NELL1: variants seen among roughly 807,000 people sequenced by gnomAD.
NELL1 encodes neural EGFL like 1.
Under a neutral mutation model 107.4 loss-of-function variants are expected in NELL1, and 76 were observed. The ratio of observed to expected loss-of-function variants is 0.71; its 90% CI spans 0.59 to 0.86. The LOEUF is 0.86. Among genes scored for constraint, NELL1 ranks in the 40% least tolerant of loss-of-function variants. NELL1 has a pLI of 0.00. For synonymous variants in NELL1, 353 were observed against 341.2 expected (o/e 1.03, Z -0.38); for missense variants, 1,024 against 1,005.5 (o/e 1.02, Z -0.25).
At chr11:21,025,439 C>G (rs1441143163) in intron 12 of NELL1, among the ~76,000 whole-genome samples, 2 of 151,252 alleles carry the variant, frequency 1.3e-5, no homozygotes, top group African/African-American at 4.9e-5. Flanking sequence ...ATTCTAGAGC[C>G]CATTTTCTTA....
chr11:21,146,554 C>T (rs1855983075), intron 13 of NELL1, among the ~76,000 whole-genome samples: 1 of 152,208 alleles, frequency 6.6e-6, no homozygotes, highest in Admixed American at 6.5e-5. Context: ...ATTACTCCTA[C>T]TTCTCTCTCC....
At chr11:21,030,456 A>T (rs1488489115) in intron 12 of NELL1, among the ~76,000 whole-genome samples, 2 of 152,162 alleles carry the variant, frequency 1.3e-5, no homozygotes, top group African/African-American at 4.8e-5. Context: ...AAACTTGGGT[A>T]ACTGGAGTCT....
At chr11:20,759,812 C>T (rs1432435473) in intron 2 of NELL1, among the ~76,000 whole-genome samples, 1 of 152,148 alleles carries the variant, frequency 6.6e-6, no homozygotes, top group East Asian at 1.9e-4. Flanking sequence ...GACCAGAATC[C>T]AGCCCTCTGG....
chr11:21,149,106 ATAT>A (rs1351973030), intron 13 of NELL1, among the ~76,000 whole-genome samples: 1 of 152,172 alleles, frequency 6.6e-6, no homozygotes, highest in Non-Finnish European at 1.5e-5. Context: ...AAATATAACC[ATAT>A]TATTGTTAAA....
At chr11:21,559,106 G>GA (rs1272081473) in intron 16 of NELL1, among the ~76,000 whole-genome samples, 1 of 151,988 alleles carries the variant, frequency 6.6e-6, no homozygotes, top group Non-Finnish European at 1.5e-5. Context: ...TTAGATCTTG[G>GA]AAAAAAGTAA....
At chr11:20,723,699 G>T (rs1409160106) in intron 2 of NELL1, among the ~76,000 whole-genome samples, 18 of 151,846 alleles carry the variant, frequency 1.2e-4, no homozygotes, top group Admixed American at 6.6e-4. Context: ...CTCTTCCATA[G>T]CTCCATTAGG....
intron 12 of NELL1, among the ~76,000 whole-genome samples, chr11:21,042,923 T>C (rs1853270676): frequency 6.6e-6 from 1 of 152,158 alleles, no homozygotes; most frequent in Non-Finnish European, 1.5e-5. Context: ...TTTTTATTTT[T>C]AGTGAATCAA....
intron 4 of NELL1, among the ~76,000 whole-genome samples, chr11:20,862,153 G>A (rs557378189): frequency 5.9e-5 from 9 of 152,282 alleles, no homozygotes; most frequent in African/African-American, 1.9e-4. Flanking sequence ...TGTCTGGTAA[G>A]TAAGTGTTTA....
At chr11:21,080,227 C>A (rs571914603) in intron 12 of NELL1, among the ~76,000 whole-genome samples, 22 of 151,860 alleles carry the variant, frequency 1.4e-4, no homozygotes, top group African/African-American at 5.1e-4. Context: ...CAATACAGCA[C>A]GTCATAAAAA....
In NELL1 at chr11:21,326,648, A is replaced by C. The variant is rs183610879; in HGVS notation, c.1550-44205A>C. ...TCCTTCTACCTGAAGAACTTCATTT[A>C]ATAGGGTGCAAATTTGCTGGTGGTA... is the stretch of plus-strand genomic sequence containing the variant. On this transcript the variant is annotated intron_variant, in intron 14 of 19. Transcript: ENST00000357134. Among the ~76,000 whole-genome samples, 285 of 152,092 alleles carry C rather than the reference A, an allele frequency of 1.9e-3. 2 individuals carry two copies. Among genetic ancestry groups the C allele is most frequent in the African/African-American group, 6.6e-3 (272 of 41,518 alleles).
At chr11:20,824,908 G>A (rs995648321) in intron 3 of NELL1, among the ~76,000 whole-genome samples, 3 of 151,408 alleles carry the variant, frequency 2.0e-5, no homozygotes, top group African/African-American at 7.3e-5. Flanking sequence ...ATTTGCATAA[G>A]TAACAAGCAG....
intron 11 of NELL1, among the ~76,000 whole-genome samples, chr11:20,952,003 G>A (rs527997625): frequency 1.3e-5 from 2 of 151,318 alleles, no homozygotes; most frequent in South Asian, 4.2e-4. Context: ...CATCAATATA[G>A]ACCCAGCAGA....
In NELL1 at chr11:20,786,880, C is replaced by T. The variant is rs372284364; in HGVS notation, c.335+3050C>T. 2.5e-4 allele frequency among the ~76,000 whole-genome samples: 38 copies of T among 151,076 alleles called. No individual in the cohort carries two copies. The East Asian group carries it at 3.7e-3, about 15-fold the overall frequency. On this transcript the variant is annotated intron_variant, in intron 3 of 19. Transcript: ENST00000357134. ...AAAATTAGCCGGGCATGGTGGCGGG[C>T]GCCTGTAGTCCCAGCTACTTGGGAG...
chr11:21,207,449 A>T (rs867970025), intron 13 of NELL1, among the ~76,000 whole-genome samples: 2 of 152,122 alleles, frequency 1.3e-5, no homozygotes, highest in Non-Finnish European at 2.9e-5. Flanking sequence ...AATCTAATAA[A>T]ATCTTCCTGG....
intron 19 of NELL1, among the ~76,000 whole-genome samples, chr11:21,574,004 A>G (rs1857163688): frequency 6.6e-6 from 1 of 151,776 alleles, no homozygotes; most frequent in Non-Finnish European, 1.5e-5. Flanking sequence ...TTTTCATGAG[A>G]CATCCTCATG....
chr11:20,816,215 C>G (rs545677676), intron 3 of NELL1, among the ~76,000 whole-genome samples: 1 of 152,080 alleles, frequency 6.6e-6, no homozygotes, highest in African/African-American at 2.4e-5. Context: ...TTAGGAATAG[C>G]GTTGAATCTG....
chr11:21,132,971 C>T (rs559811714), intron 13 of NELL1, among the ~76,000 whole-genome samples: 5 of 152,044 alleles, frequency 3.3e-5, no homozygotes, highest in Non-Finnish European at 5.9e-5. Flanking sequence ...TCAGGAGACC[C>T]GAAGTAGGTA....
rs1565160400 is a variant in NELL1 at position 21,309,283 on chromosome 11, TA to T, written c.1550-61569del. On this transcript the variant is annotated intron_variant, in intron 14 of 19. Transcript: ENST00000357134. ...ATGTATATATATATATATATATGTA[TA>T]TATATATATATATATGTATATATAT... Among the ~76,000 whole-genome samples, 10 of 27,180 alleles carry T rather than the reference TA, an allele frequency of 3.7e-4. No individual in the cohort carries two copies. The South Asian group carries it at 4.8e-3, about 13-fold the overall frequency. 17.8% of individuals were successfully genotyped at this position (27,180 alleles called of 152,430 possible).
chr11:21,462,364 C>T (rs1853920216), intron 15 of NELL1, among the ~76,000 whole-genome samples: 1 of 152,086 alleles, frequency 6.6e-6, no homozygotes. Flanking sequence ...GCCCAAGTAG[C>T]TTTTAAATGC....
Sources: allele counts gnomAD v4.1 joint callset (sites outside exome capture counted in the v4.1 genomes callset), GRCh38; gene constraint gnomAD v4.1.1; transcripts MANE v1.5; gene names NCBI Gene and HGNC (gene_info 2026-07-23, HGNC 2026-07-21).